COPG1: variants seen among roughly 807,000 people sequenced by gnomAD.
The protein encoded by COPG1 is coatomer subunit gamma-1.
A neutral mutation model predicts 102.8 loss-of-function variants in COPG1; 29 were observed. The ratio of observed to expected loss-of-function variants is 0.28; its 90% CI spans 0.21 to 0.38. COPG1 has a LOEUF of 0.38. Ranked by LOEUF, COPG1 falls within the 10% of genes least tolerant of loss-of-function variation. The probability of loss-of-function intolerance (pLI) is 1.00; values close to 1 mark genes in which losing one functional copy is unlikely to be tolerated. For synonymous variants in COPG1, 406 were observed against 421.6 expected, an observed-to-expected ratio of 0.96 and a Z score of 0.45; for missense variants, 875 against 1,132.7, an observed-to-expected ratio of 0.77 and a Z score of 3.27.
intron 2 of COPG1, among the ~76,000 whole-genome samples, chr3:129,251,428 C>T (rs1414096483): frequency 6.6e-6 from 1 of 150,824 alleles, no homozygotes; most frequent in Non-Finnish European, 1.5e-5. Context: ...GTTGCTCAGG[C>T]TGGAGTGCAG....
At chr3:129,270,495 A>C (rs1940163039) in intron 18 of COPG1, among the ~76,000 whole-genome samples, 1 of 152,180 alleles carries the variant, frequency 6.6e-6, no homozygotes, top group African/African-American at 2.4e-5. Flanking sequence ...TATCAGGCCC[A>C]AAACTCTGAG....
chr3:129,249,767 T>A, intron 1 of COPG1, 21 bp downstream of exon 1: 1 of 1,549,528 alleles, frequency 6.5e-7, no homozygotes. Flanking sequence ...CAGGCCTGGG[T>A]CTGAGGGAGG....
rs149215449 is a variant in COPG1, at chr3:129,275,476, T to C, written c.2494+184T>C. 2.3e-4 allele frequency among the ~76,000 whole-genome samples: 35 copies of C among 152,350 alleles called. No homozygotes were observed. The East Asian group carries it at 4.4e-3, about 19-fold the overall frequency. ...TACCTTGGCTGCCAGCCATTCAGATTCCCTTCCGAGAAGCGACCAGTGTTA... is the reference window on the plus strand; with the variant it reads ...TACCTTGGCTGCCAGCCATTCAGATCCCCTTCCGAGAAGCGACCAGTGTTA... On this transcript the variant is annotated intron_variant, in intron 23 of 23. Transcript: ENST00000314797. The surrounding 1 kb of genome is among the most constrained non-coding windows in gnomAD (Gnocchi z 5.0).
chr3:129,259,484 A>G (rs1939880919), intron 10 of COPG1, among the ~76,000 whole-genome samples: 1 of 149,582 alleles, frequency 6.7e-6, no homozygotes, highest in African/African-American at 2.5e-5. Context: ...AAAAAAAGAA[A>G]TGGAAAAAGA....
chr3:129,266,845 A>G, intron 14 of COPG1, among the ~76,000 whole-genome samples, 179 bp from the exon 15 acceptor site: 1 of 152,114 alleles, frequency 6.6e-6, no homozygotes, highest in East Asian at 1.9e-4. Flanking sequence ...GAGGCCTGGG[A>G]TGGTGCCAAG....
chr3:129,268,802 C>A, intron 17 of COPG1, 130 bp from the exon 18 acceptor site: 1 of 1,112,298 alleles, frequency 9.0e-7, no homozygotes, highest in Non-Finnish European at 1.4e-6. Context: ...TGGGCTCTCT[C>A]ACATGTCTTC....
chr3:129,253,710 C>T (rs1233227513), intron 5 of COPG1, among the ~76,000 whole-genome samples: 4 of 152,180 alleles, frequency 2.6e-5, no homozygotes, highest in Admixed American at 6.5e-5. Context: ...ACAGGACAGG[C>T]GCAGTGGCTC....
At chr3:129,251,967 G>A (rs1235536461) in intron 2 of COPG1, among the ~76,000 whole-genome samples, 1 of 152,246 alleles carries the variant, frequency 6.6e-6, no homozygotes, top group Non-Finnish European at 1.5e-5. Context: ...TTACAGGTGT[G>A]AGCTACTGCG....
intron 12 of COPG1, among the ~76,000 whole-genome samples, chr3:129,263,200 G>A (rs1044656563): frequency 2.9e-4 from 44 of 152,178 alleles, no homozygotes; most frequent in African/African-American, 9.9e-4. Context: ...AGGGTTGAGG[G>A]GTGGATGTCA....
chr3:129,251,221 CCT>C (rs1343641806), intron 2 of COPG1, among the ~76,000 whole-genome samples: 1 of 151,258 alleles, frequency 6.6e-6, no homozygotes, highest in Non-Finnish European at 1.5e-5. Flanking sequence ...CCGCGCCTGG[CCT>C]CTCTATTTAA....
chr3:129,249,677 T>C lies in COPG1; in HGVS notation c.-33T>C, dbSNP rs1368103970. ...ACTCCGTGCCGCGCCCGTCGAGCATTGCGTTGCTGCATTGCGCCCCACCGA... is the reference window on the plus strand; with the variant it reads ...ACTCCGTGCCGCGCCCGTCGAGCATCGCGTTGCTGCATTGCGCCCCACCGA... On this transcript the variant is annotated 5_prime_UTR_variant, in exon 1 of 24. Coordinates refer to ENST00000314797, the MANE Select transcript of COPG1 (RefSeq NM_016128.4). 6.4e-7 allele frequency: 1 copy of C among 1,550,794 alleles called. No homozygotes were observed. The highest frequency in any genetic ancestry group is 2.0e-5 in the Admixed American group (1 of 50,968).
intron 1 of COPG1, 28 bp downstream of exon 1, chr3:129,249,774 G>A (rs1189263021): frequency 6.5e-7 from 1 of 1,545,670 alleles, no homozygotes. Flanking sequence ...GGGTCTGAGG[G>A]AGGCCGGACC....
rs769194033 is a variant in COPG1 at position 129,265,773 on chromosome 3, G to A, written c.1449G>A (p.Glu483=). Residue 483 remains glutamate (E), a synonymous_variant, in exon 14 of 24, where the codon GAG becomes GAA. Transcript: ENST00000314797. ...IRFIYNRVVL[E]HEEVRAGAVS... ...TCATCTATAACCGAGTGGTCTTGGA[G>A]CATGAGGAGGTCCGGGCAGGTAGGT... is the stretch of plus-strand genomic sequence containing the variant. 3.1e-6 allele frequency: 5 copies of A among 1,613,960 alleles called. No individual in the cohort carries two copies. Among genetic ancestry groups the A allele is most frequent in the Non-Finnish European group, 4.2e-6 (5 of 1,180,006 alleles).
rs765016885 is a variant in COPG1, at chr3:129,250,721, C to T, written c.77C>T (p.Ala26Val). 20 of 1,613,618 alleles carry T rather than the reference C, an allele frequency of 1.2e-5. 1 individual carries two copies. The highest frequency in any genetic ancestry group is 1.1e-4 in the East Asian group (5 of 44,888). The change falls in exon 2 of 24, where the codon GCG becomes GTG. Residue 26 changes from alanine to valine, a missense_variant. Physicochemically the swap from Ala to Val is moderately conservative, Grantham distance 64. Coordinates refer to ENST00000314797, the MANE Select transcript of COPG1 (RefSeq NM_016128.4). Reference sequence around the variant, plus strand: ...CCATTCCAGCACCTTGAGAAGAGTGCGGTACTCCAGGAGGCAAGTGACATT... The same window carrying T: ...CCATTCCAGCACCTTGAGAAGAGTGTGGTACTCCAGGAGGCAAGTGACATT... ...SNPFQHLEKS[A>V]VLQEARVFNE... is the part of the protein sequence containing the mutation.
rs572978162 is a variant in COPG1, at chr3:129,267,607, G to A, written c.1545-330G>A. ...CGCATTCCAGCCTGGGTGACAGAGC[G>A]AGACTCCAGCTCAAAAAAAAAATAG... On this transcript the variant is annotated intron_variant, in intron 15 of 23. Transcript: ENST00000314797. Among the ~76,000 whole-genome samples the A allele has an allele frequency of 1.8e-4, 28 of 152,110 alleles. No homozygotes were observed. In the East Asian group the frequency reaches 4.3e-3, roughly 23 times the overall value.
intron 10 of COPG1, 59 bp downstream of exon 10, chr3:129,257,919 G>A: frequency 1.3e-6 from 2 of 1,586,912 alleles, no homozygotes; most frequent in Non-Finnish European, 1.7e-6. Context: ...AACTAGGCCT[G>A]GGTTCCCGGG....
At chr3:129,267,131 CA>C in intron 15 of COPG1, 32 bp downstream of exon 15, 1 of 1,560,578 alleles carries the variant, frequency 6.4e-7, no homozygotes, top group Non-Finnish European at 8.8e-7. Flanking sequence ...CTAATGGGGA[CA>C]GTGTTCCCTT....
intron 7 of COPG1, 58 bp from the exon 8 acceptor site, chr3:129,256,010 C>T: frequency 6.7e-7 from 1 of 1,489,172 alleles, no homozygotes; most frequent in Admixed American, 1.7e-5. Context: ...GAACTGGGCC[C>T]AGAATGTGTG....
chr3:129,255,885 G>A (rs1939799331), intron 7 of COPG1, among the ~76,000 whole-genome samples, 183 bp from the exon 8 acceptor site: 1 of 152,176 alleles, frequency 6.6e-6, no homozygotes, highest in Non-Finnish European at 1.5e-5. Flanking sequence ...TGGGTGGATG[G>A]TGTTGACCCA....
Sources: gnomAD v4.1 joint callset for allele counts (sites outside exome capture counted in the v4.1 genomes callset) on GRCh38, gnomAD v4.1.1 for gene constraint, Gnocchi (gnomAD v3.1) non-coding constraint, MANE v1.5 for transcripts, NCBI Gene and HGNC (gene_info 2026-07-23, HGNC 2026-07-21) for gene names.